Variants in GPHN observed in about 807,000 individuals in gnomAD.
The protein encoded by GPHN is gephyrin.
Under a neutral mutation model 95.5 loss-of-function variants are expected in GPHN, and 17 were observed. The ratio of observed to expected loss-of-function variants is 0.18; its 90% CI spans 0.12 to 0.27. The LOEUF (loss-of-function observed/expected upper bound fraction) is 0.27, where lower values mean the gene tolerates loss of function less well. GPHN is among the 10% of genes least tolerant of loss of function. The probability of loss-of-function intolerance (pLI) is 1.00; values close to 1 mark genes in which losing one functional copy is unlikely to be tolerated. For synonymous variants in GPHN, 320 were observed against 322.5 expected, an observed-to-expected ratio of 0.99 and a Z score of 0.08; for missense variants, 660 against 978.1, an observed-to-expected ratio of 0.67 and a Z score of 4.34.
chr14:66,638,670 T>C (rs2064233319), intron 1 of GPHN, among the ~76,000 whole-genome samples: 1 of 152,150 alleles, frequency 6.6e-6, no homozygotes. Flanking sequence ...CAGTTGAGAA[T>C]TCAGAATTTT....
At chr14:67,482,906 T>TAAC in the GPHN span, among the ~76,000 whole-genome samples, 4 of 152,184 alleles carry the variant, frequency 2.6e-5, no homozygotes, top group Non-Finnish European at 4.4e-5. Context: ...GTAATAATAA[T>TAAC]AACCAGGTGC....
At chr14:67,616,663 T>C in the GPHN span, 1 of 150,954 alleles carries the variant, frequency 6.6e-6, no homozygotes, top group East Asian at 1.9e-4. Context: ...TCCTAAATGC[T>C]TGGGATCAGG....
At chr14:66,961,902 A>ATATATATATATGTGTG in intron 8 of GPHN, among the ~76,000 whole-genome samples, 1 of 41,786 alleles carries the variant, frequency 2.4e-5, no homozygotes, top group African/African-American at 6.1e-5. Flanking sequence ...CTGAATGTGT[A>ATATATATATATGTGTG]TATATATATA....
chr14:67,112,227 A>G (rs555899443), intron 15 of GPHN, among the ~76,000 whole-genome samples: 4 of 152,264 alleles, frequency 2.6e-5, no homozygotes, highest in Admixed American at 6.5e-5. Context: ...TCCCTAAATA[A>G]TCTGGAATTT....
chr14:67,672,134 T>G, the GPHN span, among the ~76,000 whole-genome samples: 1 of 151,984 alleles, frequency 6.6e-6, no homozygotes, highest in Non-Finnish European at 1.5e-5. Flanking sequence ...TTTTTTTTTT[T>G]TTTTGGGAGA....
chr14:66,632,355 A>G (rs2063853773), intron 1 of GPHN, among the ~76,000 whole-genome samples: 1 of 152,106 alleles, frequency 6.6e-6, no homozygotes, highest in Admixed American at 6.5e-5. Context: ...CAGCTTTATA[A>G]TGTTCACATA....
At chr14:67,633,995 G>T in the GPHN span, among the ~76,000 whole-genome samples, 1 of 152,136 alleles carries the variant, frequency 6.6e-6, no homozygotes, top group South Asian at 2.1e-4. Flanking sequence ...CACTTTCTCT[G>T]CCTGACATCC....
At chr14:66,833,664 T>TAAAAA (rs11394709) in intron 4 of GPHN, among the ~76,000 whole-genome samples, 1,776 of 142,668 alleles carry the variant, frequency 0.012, 15 homozygotes, top group Non-Finnish European at 0.019. Context: ...ATGCCCTGGT[T>TAAAAA]AAAAAAAAAA....
the GPHN span, chr14:67,569,079 G>A: frequency 8.5e-6 from 10 of 1,175,656 alleles, no homozygotes; most frequent in East Asian, 2.3e-5. Flanking sequence ...GCACATGCCT[G>A]GAGGGGGTGG....
intron 2 of GPHN, among the ~76,000 whole-genome samples, chr14:66,773,758 A>T (rs2059272119): frequency 6.6e-6 from 1 of 152,114 alleles, no homozygotes; most frequent in African/African-American, 2.4e-5. Context: ...GTTTTAAAGA[A>T]GTGGACTCTC....
At chr14:66,916,348 A>T (rs2065898261) in intron 6 of GPHN, among the ~76,000 whole-genome samples, 1 of 152,170 alleles carries the variant, frequency 6.6e-6, no homozygotes, top group African/African-American at 2.4e-5. Flanking sequence ...GAATACTACC[A>T]AACACAGAGA....
chr14:66,578,615 A>C (rs1189167888), intron 1 of GPHN, among the ~76,000 whole-genome samples: 1 of 143,576 alleles, frequency 7.0e-6, no homozygotes, highest in African/African-American at 2.5e-5. Context: ...GGCTATCATT[A>C]GATTTTTCAA....
intron 11 of GPHN, among the ~76,000 whole-genome samples, chr14:67,075,707 G>C (rs950305306): frequency 6.6e-6 from 1 of 152,180 alleles, no homozygotes; most frequent in Non-Finnish European, 1.5e-5. Flanking sequence ...GTAGTTCACT[G>C]CTTCAGTGGA....
chr14:66,613,812 A>G (rs760293820), intron 1 of GPHN, among the ~76,000 whole-genome samples: 30 of 152,302 alleles, frequency 2.0e-4, no homozygotes, highest in Middle Eastern at 3.4e-3. Context: ...TCCATACTTT[A>G]TAAGATACTG....
the GPHN span, among the ~76,000 whole-genome samples, chr14:67,468,839 G>A: frequency 1.3e-5 from 2 of 152,050 alleles, no homozygotes; most frequent in Non-Finnish European, 2.9e-5. Context: ...AGGTTGCAGT[G>A]AGCTGGGATT....
At chr14:67,203,033 G>T in the GPHN span, 1 of 1,546,700 alleles carries the variant, frequency 6.5e-7, no homozygotes. Flanking sequence ...TCTCAGGCAA[G>T]CAAGGTTGTC....
chr14:66,553,132 G>A (rs2059884302), intron 1 of GPHN, among the ~76,000 whole-genome samples: 1 of 151,906 alleles, frequency 6.6e-6, no homozygotes, highest in African/African-American at 2.4e-5. Flanking sequence ...TGGGATTACA[G>A]GTGCCCGCTA....
chr14:66,550,796 T>G (rs1740122071), intron 1 of GPHN, among the ~76,000 whole-genome samples: 1 of 152,154 alleles, frequency 6.6e-6, no homozygotes, highest in Admixed American at 6.5e-5. Flanking sequence ...GCAAAAAGAT[T>G]ATGATTCACT....
intron 2 of GPHN, among the ~76,000 whole-genome samples, chr14:66,708,214 CA>C (rs148207182): frequency 0.18 from 26,329 of 146,826 alleles, 3,956 homozygotes; most frequent in East Asian, 0.46. Context: ...CTAAAAACTT[CA>C]AAAAAAAAAA....
Sources: gnomAD v4.1 joint callset for allele counts (sites outside exome capture counted in the v4.1 genomes callset) on GRCh38, gnomAD v4.1.1 for gene constraint, MANE v1.5 for transcripts, NCBI Gene and HGNC (gene_info 2026-07-23, HGNC 2026-07-21) for gene names.